ZNF608: variants seen among roughly 807,000 people sequenced by gnomAD.
The protein encoded by ZNF608 is zinc finger protein 608, also known as renal carcinoma antigen NY-REN-36.
In ZNF608, 12 loss-of-function variants were observed where a neutral mutation model predicts 109.0. The observed-to-expected ratio is 0.11, with a 90% CI of 0.07 to 0.18. ZNF608 has a LOEUF of 0.18. Ranked by LOEUF, ZNF608 falls within the 10% of genes least tolerant of loss-of-function variation. ZNF608 has a pLI of 1.00. For synonymous variants in ZNF608, 732 were observed against 717.4 expected, an observed-to-expected ratio of 1.02 and a Z score of -0.33; for missense variants, 1,707 against 1,879.3, an observed-to-expected ratio of 0.91 and a Z score of 1.70.
chr5:124,669,584 A>C (rs146175369), intron 3 of ZNF608, among the ~76,000 whole-genome samples: 121 of 152,178 alleles, frequency 8.0e-4, no homozygotes, highest in Middle Eastern at 3.4e-3. Flanking sequence ...TTTTTGGAGG[A>C]ACTATAGCGT....
At position 124,677,899 on chromosome 5, in the gene ZNF608, C is replaced by T. The variant is rs576036740; in HGVS notation, c.1162+23115G>A. The stretch of plus-strand genomic sequence containing the variant: ...GCCCCGAGCCAGAAACACTCAGACA[C>T]CAGGAAGCAGCTCTCAGTCCTTATT... On this transcript the variant is annotated intron_variant, in intron 3 of 9. Coordinates refer to ENST00000513986, the MANE Select transcript of ZNF608 (RefSeq NM_020747.3). Among the ~76,000 whole-genome samples, 3 of 152,302 alleles carry T rather than the reference C, an allele frequency of 2.0e-5. No homozygotes were observed. The South Asian group carries it at 6.2e-4, about 32-fold the overall frequency.
In ZNF608 at chr5:124,643,544, C is replaced by T. The variant is rs1407358827; in HGVS notation, c.4263G>A (p.Gln1421=). The change falls in exon 7 of 10, where the codon CAG becomes CAA. Residue 1421 remains glutamine (Q), a synonymous_variant. Coordinates refer to ENST00000513986, the MANE Select transcript of ZNF608 (RefSeq NM_020747.3). ...ACTTGCTGCGGTATTGGTTAGCATG[C>T]TGCTGGAGCAAATCCAGTGCTTTAG... The part of the protein sequence containing the change: ...TESKALDLLQ[Q]HANQYRSKSP... 2 of 1,614,216 alleles carry T rather than the reference C, an allele frequency of 1.2e-6. No homozygotes were observed. Among genetic ancestry groups the T allele is most frequent in the Non-Finnish European group, 8.5e-7 (1 of 1,180,040 alleles).
At chr5:124,693,448 GA>G (rs954640112) in intron 3 of ZNF608, among the ~76,000 whole-genome samples, 2 of 151,914 alleles carry the variant, frequency 1.3e-5, no homozygotes, top group South Asian at 4.1e-4. Context: ...TAAGTCCTAA[GA>G]AAAAAAGTTT....
intron 3 of ZNF608, among the ~76,000 whole-genome samples, chr5:124,666,705 TGC>T: frequency 7.2e-6 from 1 of 138,550 alleles, no homozygotes; most frequent in South Asian, 2.4e-4. Flanking sequence ...AAACTGGGTT[TGC>T]TCTGTGTGTG....
chr5:124,748,525 G>T, upstream of ZNF608: 1 of 985,154 alleles, frequency 1.0e-6, no homozygotes, highest in Non-Finnish European at 1.2e-6. Flanking sequence ...CCACGCAACC[G>T]TACTTACGGT....
At position 124,696,889 on chromosome 5, in the gene ZNF608, C is replaced by A. The variant is rs572138416; in HGVS notation, c.1162+4125G>T. On this transcript the variant is annotated intron_variant, in intron 3 of 9. Coordinates refer to ENST00000513986, the MANE Select transcript of ZNF608 (RefSeq NM_020747.3). ...CTCTTTGCCATGAGACAGTGGTTCTCAACCTTGTTTGCACATTAGAATCAC... is the reference window on the plus strand; with the variant it reads ...CTCTTTGCCATGAGACAGTGGTTCTAAACCTTGTTTGCACATTAGAATCAC... Among the ~76,000 whole-genome samples the A allele has an allele frequency of 1.8e-4, 27 of 152,248 alleles. No individual in the cohort carries two copies. The East Asian group carries it at 4.8e-3, about 27-fold the overall frequency.
intron 3 of ZNF608, among the ~76,000 whole-genome samples, chr5:124,686,667 T>C (rs1237493673): frequency 1.3e-5 from 2 of 152,232 alleles, no homozygotes; most frequent in Non-Finnish European, 2.9e-5. Flanking sequence ...GCAGGTTCTC[T>C]TTAAACAAGT....
chr5:124,716,000 G>A (rs559402645), intron 2 of ZNF608, among the ~76,000 whole-genome samples: 11 of 151,886 alleles, frequency 7.2e-5, no homozygotes, highest in South Asian at 2.1e-4. Context: ...AAAATTAGCC[G>A]GGCGTGGTGG....
At chr5:124,692,887 A>G (rs1752677403) in intron 3 of ZNF608, among the ~76,000 whole-genome samples, 1 of 152,256 alleles carries the variant, frequency 6.6e-6, no homozygotes, top group Non-Finnish European at 1.5e-5. Flanking sequence ...CCTGGCACAA[A>G]GTAAGTACTC....
upstream of ZNF608, among the ~76,000 whole-genome samples, chr5:124,748,015 A>AT (rs928147396): frequency 6.6e-6 from 1 of 151,782 alleles, no homozygotes; most frequent in African/African-American, 2.4e-5. Flanking sequence ...TCTTAATGGT[A>AT]TTTTTGTTGC....
chr5:124,639,301 T>C (rs919635811), intron 8 of ZNF608, 87 bp from the exon 9 acceptor site: 7 of 1,104,138 alleles, frequency 6.3e-6, no homozygotes, highest in Non-Finnish European at 6.9e-6. Context: ...GCAGACCTAG[T>C]AGCAGCATGG....
chr5:124,641,404 G>A lies in ZNF608; in HGVS notation c.4298C>T (p.Pro1433Leu). The change falls in exon 8 of 10, where the codon CCT becomes CTT. Residue 1433 changes from proline (P) to leucine (L), a missense_variant and splice_region_variant. Pro to Leu is a moderately conservative substitution (Grantham distance 98). Coordinates refer to ENST00000513986, the MANE Select transcript of ZNF608 (RefSeq NM_020747.3). ...CCGCTCAGCTGTAGCCTTTTCCACA[G>A]GCTGCAACAGAAAAGAGAAATTTTC... is the stretch of plus-strand genomic sequence containing the variant. ...ANQYRSKSPA[P>L]VEKATAERER... 2 of 1,602,584 alleles carry A rather than the reference G, an allele frequency of 1.2e-6. No individual in the cohort carries two copies. Among genetic ancestry groups the A allele is most frequent in the Non-Finnish European group, 1.7e-6 (2 of 1,172,478 alleles).
At chr5:124,729,382 G>A (rs1748771962) in intron 2 of ZNF608, among the ~76,000 whole-genome samples, 1 of 152,214 alleles carries the variant, frequency 6.6e-6, no homozygotes, top group African/African-American at 2.4e-5. Context: ...AATGTTTGGT[G>A]AGGTACCTAA....
At chr5:124,723,581 G>A (rs1580698079) in intron 2 of ZNF608, among the ~76,000 whole-genome samples, 1 of 152,112 alleles carries the variant, frequency 6.6e-6, no homozygotes, top group Non-Finnish European at 1.5e-5. Flanking sequence ...CCAGCCACTC[G>A]AGAGGCTGAG....
At chr5:124,677,358 G>A (rs1213084502) in intron 3 of ZNF608, among the ~76,000 whole-genome samples, 1 of 152,174 alleles carries the variant, frequency 6.6e-6, no homozygotes, top group Non-Finnish European at 1.5e-5. Context: ...GGAGCCATGG[G>A]AAACTGGAGC....
chr5:124,677,948 G>A (rs1463492939), intron 3 of ZNF608, among the ~76,000 whole-genome samples: 1 of 152,044 alleles, frequency 6.6e-6, no homozygotes, highest in African/African-American at 2.4e-5. Context: ...GAACCCAAAG[G>A]CGTTCTCATC....
At chr5:124,691,439 A>G (rs932778994) in intron 3 of ZNF608, among the ~76,000 whole-genome samples, 33 of 152,214 alleles carry the variant, frequency 2.2e-4, no homozygotes, top group Non-Finnish European at 3.5e-4. Flanking sequence ...ACCTGTTAGG[A>G]TAGCCATTAT....
In ZNF608 at chr5:124,648,724, C is replaced by T. The variant is rs906484971; in HGVS notation, c.1660G>A (p.Asp554Asn). 2 of 1,614,186 alleles carry T rather than the reference C, an allele frequency of 1.2e-6. No individual in the cohort carries two copies. Among genetic ancestry groups the T allele is most frequent in the East Asian group, 2.2e-5 (1 of 44,874 alleles). ...DQGCSSPVLI[D>N]CPHPNCNKKY... is the part of the protein sequence containing the mutation. The stretch of plus-strand genomic sequence containing the variant: ...TTGTTGCAGTTTGGGTGGGGACAGT[C>T]GATTAACACTGGAGAAGAGCAGCCT... The change falls in exon 5 of 10, where the codon GAC becomes AAC. Residue 554 changes from aspartate (D) to asparagine (N), a missense_variant. Physicochemically the swap from Asp to Asn is conservative, Grantham distance 23. This residue lies in a region of ZNF608 where 22 missense variants were observed against 52.2 expected (regional missense o/e 0.42). Transcript: ENST00000513986.
chr5:124,667,922 C>T (rs1319825894), intron 3 of ZNF608, among the ~76,000 whole-genome samples: 2 of 152,132 alleles, frequency 1.3e-5, no homozygotes, highest in Non-Finnish European at 2.9e-5. Context: ...GAACAGAAGA[C>T]TCCTGGCCCT....
Sources: allele counts gnomAD v4.1 joint callset (sites outside exome capture counted in the v4.1 genomes callset), GRCh38; gene constraint gnomAD v4.1.1; regional missense constraint gnomAD v4.1.1; transcripts MANE v1.5; gene names NCBI Gene and HGNC (gene_info 2026-07-23, HGNC 2026-07-21).